The following RIMS2 variants were observed in gnomAD, a reference collection of about 807,000 sequenced individuals.
RIMS2 encodes regulating synaptic membrane exocytosis protein 2.
RIMS2 carries 59 observed loss-of-function variants against 174.4 expected under a neutral mutation model. That is an observed-to-expected ratio of 0.34 (90% CI 0.27 to 0.42). RIMS2 has a LOEUF of 0.42. RIMS2 is among the 10% of genes least tolerant of loss of function. The pLI is 1.00. For synonymous variants in RIMS2, 606 were observed against 572.5 expected (o/e 1.06, Z -0.84); for missense variants, 1,620 against 1,666.3 (o/e 0.97, Z 0.48).
At chr8:103,514,128 G>A (rs1368296273) in intron 1 of RIMS2, among the ~76,000 whole-genome samples, 4 of 152,086 alleles carry the variant, frequency 2.6e-5, no homozygotes, top group Non-Finnish European at 5.9e-5. Context: ...CATTCTAGAA[G>A]CATAAGAAAT....
chr8:103,896,897 A>T (rs533453993), intron 4 of RIMS2, among the ~76,000 whole-genome samples: 2 of 151,694 alleles, frequency 1.3e-5, no homozygotes, highest in South Asian at 4.2e-4. Flanking sequence ...CTTTGGACTC[A>T]TGTGGCATCA....
At chr8:104,146,632 T>A (rs2098642249) in intron 19 of RIMS2, among the ~76,000 whole-genome samples, 1 of 152,214 alleles carries the variant, frequency 6.6e-6, no homozygotes, top group African/African-American at 2.4e-5. Context: ...TTTGTGAGTG[T>A]ATCTTTGACA....
At chr8:103,897,697 A>T (rs1451568849) in intron 4 of RIMS2, among the ~76,000 whole-genome samples, 3 of 151,662 alleles carry the variant, frequency 2.0e-5, no homozygotes, top group African/African-American at 7.3e-5. Flanking sequence ...CTAAGAGCAT[A>T]CCAAGAAGTA....
At chr8:103,533,523 C>T (rs930729384) in intron 1 of RIMS2, among the ~76,000 whole-genome samples, 1 of 151,572 alleles carries the variant, frequency 6.6e-6, no homozygotes, top group Non-Finnish European at 1.5e-5. Flanking sequence ...GAAGTGGAAT[C>T]TGCTAAGATG....
chr8:103,776,569 A>G (rs1014330830), intron 3 of RIMS2, among the ~76,000 whole-genome samples: 2 of 152,054 alleles, frequency 1.3e-5, no homozygotes, highest in Non-Finnish European at 2.9e-5. Flanking sequence ...ATTATTTGGT[A>G]ATTTTAAAAA....
At chr8:103,853,239 T>C (rs1169896206) in intron 3 of RIMS2, among the ~76,000 whole-genome samples, 1 of 152,108 alleles carries the variant, frequency 6.6e-6, no homozygotes, top group Non-Finnish European at 1.5e-5. Context: ...TTGAGAAGTG[T>C]CTGTTCATGT....
At chr8:103,794,069 T>C (rs1304796943) in intron 3 of RIMS2, among the ~76,000 whole-genome samples, 1 of 152,088 alleles carries the variant, frequency 6.6e-6, no homozygotes, top group Non-Finnish European at 1.5e-5. Flanking sequence ...CTTTACAGAA[T>C]TGAAAAAAAC....
intron 17 of RIMS2, among the ~76,000 whole-genome samples, chr8:103,992,121 T>C (rs1369103390): frequency 1.3e-5 from 2 of 152,118 alleles, no homozygotes; most frequent in Non-Finnish European, 2.9e-5. Context: ...TGTTTGTTTG[T>C]TTTTTGAGAC....
At chr8:104,063,104 A>G (rs1446433580) in intron 19 of RIMS2, among the ~76,000 whole-genome samples, 1 of 152,062 alleles carries the variant, frequency 6.6e-6, no homozygotes, top group African/African-American at 2.4e-5. Flanking sequence ...TAATTTCAAC[A>G]GAAAACATTT....
intron 2 of RIMS2, among the ~76,000 whole-genome samples, chr8:103,701,359 G>A (rs1224367441): frequency 1.3e-5 from 2 of 152,234 alleles, no homozygotes; most frequent in East Asian, 3.9e-4. Context: ...ACTGTACAAT[G>A]TGTAATGATT....
intron 1 of RIMS2, among the ~76,000 whole-genome samples, chr8:103,509,406 A>C (rs1213202299): frequency 6.6e-6 from 1 of 152,108 alleles, no homozygotes; most frequent in Non-Finnish European, 1.5e-5. Context: ...AAACTATCAC[A>C]CAATCTTTGT....
chr8:103,935,927 C>G (rs1452363209), intron 12 of RIMS2, among the ~76,000 whole-genome samples: 2 of 152,116 alleles, frequency 1.3e-5, no homozygotes, highest in Non-Finnish European at 2.9e-5. Context: ...GCTGGCAATG[C>G]CATTTATTGG....
intron 1 of RIMS2, among the ~76,000 whole-genome samples, chr8:103,613,319 ACACTAACCC>A (rs1246714016): frequency 2.0e-5 from 3 of 152,192 alleles, no homozygotes; most frequent in Admixed American, 2.0e-4. Flanking sequence ...CCCTGTGGGC[ACACTAACCC>A]TAGCCCACTG....
At chr8:103,593,642 C>T (rs2094358831) in intron 1 of RIMS2, among the ~76,000 whole-genome samples, 1 of 151,336 alleles carries the variant, frequency 6.6e-6, no homozygotes. Flanking sequence ...TATGAAAATC[C>T]AGCCACCTTC....
chr8:103,528,970 A>C (rs894221525), intron 1 of RIMS2, among the ~76,000 whole-genome samples: 1 of 152,174 alleles, frequency 6.6e-6, no homozygotes, highest in Non-Finnish European at 1.5e-5. Context: ...TGAATCTATA[A>C]ATTACCTTGG....
chr8:104,031,621 T>C (rs2096394880), intron 19 of RIMS2, among the ~76,000 whole-genome samples: 1 of 152,140 alleles, frequency 6.6e-6, no homozygotes, highest in Non-Finnish European at 1.5e-5. Context: ...TAGATTCTTG[T>C]TATGCATATT....
intron 1 of RIMS2, among the ~76,000 whole-genome samples, chr8:103,550,437 C>G (rs1354681188): frequency 6.6e-6 from 1 of 152,126 alleles, no homozygotes; most frequent in East Asian, 1.9e-4. Flanking sequence ...TAACCAGACT[C>G]TGGGACACAT....
intron 1 of RIMS2, among the ~76,000 whole-genome samples, chr8:103,599,551 A>C (rs1468030637): frequency 6.6e-6 from 1 of 151,146 alleles, no homozygotes; most frequent in Non-Finnish European, 1.5e-5. Flanking sequence ...TGATCCTCCC[A>C]CCTCAGCCTC....
chr8:103,556,595 A>T (rs80340426), intron 1 of RIMS2, among the ~76,000 whole-genome samples: 1 of 152,286 alleles, frequency 6.6e-6, no homozygotes, highest in East Asian at 1.9e-4. Flanking sequence ...CCTCTTCTCC[A>T]TAGGAAATTA....
Sources: allele counts gnomAD v4.1 joint callset (sites outside exome capture counted in the v4.1 genomes callset), GRCh38; gene constraint gnomAD v4.1.1; transcripts MANE v1.5; gene names NCBI Gene and HGNC (gene_info 2026-07-23, HGNC 2026-07-21).